BTNL8: variants seen among roughly 807,000 people sequenced by gnomAD.
BTNL8 encodes the protein butyrophilin-like protein 8.
Under a neutral mutation model 36.1 loss-of-function variants are expected in BTNL8, and 22 were observed. The ratio of observed to expected loss-of-function variants is 0.61; its 90% CI spans 0.44 to 0.87. The LOEUF (loss-of-function observed/expected upper bound fraction) is 0.87, where lower values mean the gene tolerates loss of function less well. Ranked by LOEUF, BTNL8 falls within the 40% of genes least tolerant of loss-of-function variation. The pLI is 0.00. For synonymous variants in BTNL8, 203 were observed against 235.6 expected (o/e 0.86, Z 1.27); for missense variants, 526 against 616.9 (o/e 0.85, Z 1.56).
At chr5:180,918,028 C>A (rs532521732) in intron 3 of BTNL8, among the ~76,000 whole-genome samples, 646 of 114,388 alleles carry the variant, frequency 5.6e-3, no homozygotes, top group South Asian at 6.1e-3. Context: ...GATTCTGTCT[C>A]AAAAAAAAAA....
intron 3 of BTNL8, among the ~76,000 whole-genome samples, chr5:180,931,154 C>T (rs1377686493): frequency 3.3e-5 from 5 of 151,992 alleles, no homozygotes; most frequent in African/African-American, 9.7e-5. Context: ...TAAATAATGC[C>T]ACACATCTAC....
chr5:180,915,281 C>T (rs1471488197), intron 3 of BTNL8, among the ~76,000 whole-genome samples: 1 of 152,226 alleles, frequency 6.6e-6, no homozygotes, highest in Non-Finnish European at 1.5e-5. Flanking sequence ...GGGGCACGTG[C>T]TTCCCTGCAG....
chr5:180,948,490 A>G, intron 5 of BTNL8, 115 bp downstream of exon 5: 1 of 1,608,484 alleles, frequency 6.2e-7, no homozygotes, highest in African/African-American at 1.3e-5. Context: ...AAGCACCGGC[A>G]GGTGGAGGAG....
intron 3 of BTNL8, chr5:180,945,714 G>A (rs1759201586): frequency 1.6e-5 from 7 of 434,740 alleles, no homozygotes; most frequent in East Asian, 6.1e-5. Flanking sequence ...GTAGGCTTGC[G>A]CTAACTCTCT....
Position 180,949,906 on chromosome 5 carries a change from G to T in BTNL8, c.865G>T (p.Glu289Ter), listed in dbSNP as rs766372289. Residue 289 changes from glutamate (E) to a stop codon, truncating the protein, a stop_gained and splice_region_variant, in exon 8 of 8, where the codon GAG (glutamate) becomes TAG (stop). Coordinates refer to ENST00000340184, the MANE Select transcript of BTNL8 (RefSeq NM_001040462.3). LOFTEE classifies it low-confidence loss of function (END_TRUNC). ...CTCTCTCCCCCACCGCACCCCAGTGGAGGTGACTCTGGATCCAGAGACGGC... is the reference window on the plus strand; with the variant it reads ...CTCTCTCCCCCACCGCACCCCAGTGTAGGTGACTCTGGATCCAGAGACGGC... ...ELRDARKHAV[E>*]VTLDPETAHP... The T allele has an allele frequency of 6.9e-7, 1 of 1,456,378 alleles. No individual in the cohort carries two copies. The highest frequency in any genetic ancestry group is 9.5e-7 in the Non-Finnish European group (1 of 1,055,668). 90.2% of individuals were successfully genotyped at this position (1,456,378 alleles called of 1,614,324 possible).
chr5:180,913,713 G>T (rs1757505391), intron 3 of BTNL8, among the ~76,000 whole-genome samples: 1 of 152,178 alleles, frequency 6.6e-6, no homozygotes, highest in Non-Finnish European at 1.5e-5. Flanking sequence ...GTGACAGGTG[G>T]GCATGCTGTT....
rs919664567 is a variant in BTNL8 at position 180,935,016 on chromosome 5, C to T, written c.674-12496C>T. Among the ~76,000 whole-genome samples the T allele has an allele frequency of 6.6e-6, 1 of 152,132 alleles. No homozygotes were observed. The highest frequency in any genetic ancestry group is 2.4e-5 in the African/African-American group (1 of 41,432). ...GAGACCTGAAGTGGGTAGCTCCTTT[C>T]TGCAGGCAGGTCATCCCAACAAGTG... On this transcript the variant is annotated intron_variant, in intron 3 of 7. Transcript: ENST00000340184. The surrounding 1 kb of genome is among the most constrained non-coding windows in gnomAD (Gnocchi z 4.8).
rs144361269 is a variant in BTNL8 at position 180,930,401 on chromosome 5, A to G, written c.674-17111A>G. On this transcript the variant is annotated intron_variant, in intron 3 of 7. Coordinates refer to ENST00000340184, the MANE Select transcript of BTNL8 (RefSeq NM_001040462.3). ...AGCATTCCCTTTGAAAACTGGCACA[A>G]GACAAGGATGTCCTCTTTCACCACT... Among the ~76,000 whole-genome samples the G allele has an allele frequency of 8.5e-3, 1,297 of 152,342 alleles. 18 individuals carry two copies. The highest frequency in any genetic ancestry group is 0.03 in the African/African-American group (1,244 of 41,578).
At chr5:180,915,417 T>G (rs961747041) in intron 3 of BTNL8, among the ~76,000 whole-genome samples, 1 of 152,214 alleles carries the variant, frequency 6.6e-6, no homozygotes, top group Non-Finnish European at 1.5e-5. Flanking sequence ...GGAATTGCCC[T>G]AGGGATAAAT....
At chr5:180,913,173 A>C (rs1379729936) in intron 3 of BTNL8, among the ~76,000 whole-genome samples, 3 of 152,180 alleles carry the variant, frequency 2.0e-5, no homozygotes, top group Non-Finnish European at 4.4e-5. Flanking sequence ...AAGACTGATG[A>C]AGCTGGGGAC....
At chr5:180,919,185 T>C (rs1262131557) in intron 3 of BTNL8, among the ~76,000 whole-genome samples, 1 of 152,216 alleles carries the variant, frequency 6.6e-6, no homozygotes, top group Non-Finnish European at 1.5e-5. Flanking sequence ...GATAGTCCAG[T>C]TGGGATTTGG....
At chr5:180,915,613 A>G (rs1757592430) in intron 3 of BTNL8, among the ~76,000 whole-genome samples, 2 of 152,238 alleles carry the variant, frequency 1.3e-5, no homozygotes, top group Non-Finnish European at 2.9e-5. Flanking sequence ...GTCTGCCAGT[A>G]CAGACTAGAG....
chr5:180,941,548 A>G (rs1345861604), intron 3 of BTNL8, among the ~76,000 whole-genome samples: 1 of 152,204 alleles, frequency 6.6e-6, no homozygotes, highest in Admixed American at 6.5e-5. Context: ...AAAATTCTCA[A>G]CAAAATACTA....
At chr5:180,910,782 C>T (rs1193734375) in intron 2 of BTNL8, among the ~76,000 whole-genome samples, 1 of 152,134 alleles carries the variant, frequency 6.6e-6, no homozygotes, top group African/African-American at 2.4e-5. Context: ...CCCTCTAATT[C>T]CTCCTCCCTA....
chr5:180,920,687 T>C (rs996648014), intron 3 of BTNL8, among the ~76,000 whole-genome samples: 2 of 152,182 alleles, frequency 1.3e-5, no homozygotes, highest in Admixed American at 6.5e-5. Context: ...TTTCAAAGTA[T>C]ATACCTGATA....
At chr5:180,940,728 T>C (rs1448640886) in intron 3 of BTNL8, among the ~76,000 whole-genome samples, 2 of 152,082 alleles carry the variant, frequency 1.3e-5, no homozygotes, top group African/African-American at 4.8e-5. Flanking sequence ...TTACAACTGA[T>C]ACCAGAGAAA....
chr5:180,915,702 G>C (rs1757597210), intron 3 of BTNL8, among the ~76,000 whole-genome samples: 1 of 152,202 alleles, frequency 6.6e-6, no homozygotes, highest in Non-Finnish European at 1.5e-5. Context: ...CCATGATTAA[G>C]TGAGCTTTAT....
chr5:180,907,817 C>G (rs1477718603), intron 1 of BTNL8, among the ~76,000 whole-genome samples: 5 of 151,490 alleles, frequency 3.3e-5, no homozygotes, highest in Non-Finnish European at 5.9e-5. Flanking sequence ...GGGTGCCTCC[C>G]AGTTAGGCTG....
At chr5:180,918,986 T>C (rs1757758832) in intron 3 of BTNL8, among the ~76,000 whole-genome samples, 1 of 152,150 alleles carries the variant, frequency 6.6e-6, no homozygotes, top group South Asian at 2.1e-4. Flanking sequence ...TGCTAGACTC[T>C]CAGCTAATCA....
Sources: gnomAD v4.1 joint callset for allele counts (sites outside exome capture counted in the v4.1 genomes callset) on GRCh38, gnomAD v4.1.1 for gene constraint, Gnocchi (gnomAD v3.1) non-coding constraint, MANE v1.5 for transcripts, NCBI Gene and HGNC (gene_info 2026-07-23, HGNC 2026-07-21) for gene names.